The following SFMBT1 variants were observed in gnomAD, a reference collection of about 807,000 sequenced individuals.
SFMBT1 encodes the protein Scm like with four mbt domains 1.
SFMBT1 carries 32 observed loss-of-function variants against 108.7 expected under a neutral mutation model. The observed-to-expected ratio is 0.29, with a 90% confidence interval of 0.22 to 0.40. SFMBT1 has a LOEUF of 0.40. Ranked by LOEUF, SFMBT1 falls within the 10% of genes least tolerant of loss-of-function variation. The probability of loss-of-function intolerance (pLI) is 1.00; values close to 1 mark genes in which losing one functional copy is unlikely to be tolerated. For missense variants in SFMBT1, 816 were observed against 1,059.6 expected, an observed-to-expected ratio of 0.77 and a Z score of 3.19; for synonymous variants, 348 against 369.5, an observed-to-expected ratio of 0.94 and a Z score of 0.67.
intron 1 of SFMBT1, among the ~76,000 whole-genome samples, chr3:52,988,439 C>T (rs62253654): frequency 0.052 from 7,847 of 152,232 alleles, 274 homozygotes; most frequent in Middle Eastern, 0.085. Context: ...AAGAACCTGT[C>T]CCTCAAGAAC....
intron 15 of SFMBT1, among the ~76,000 whole-genome samples, chr3:52,913,236 GA>G (rs1702258240): frequency 6.6e-6 from 1 of 152,188 alleles, no homozygotes. Context: ...TCTGGTCTCT[GA>G]CAGAAGACCT....
chr3:52,928,619 C>CATATATATATACATATAT (rs1341930056), intron 8 of SFMBT1: 1 of 37,568 alleles, frequency 2.7e-5, no homozygotes, highest in African/African-American at 6.4e-5. Flanking sequence ...CATATATATA[C>CATATATATATACATATAT]ATATATACAT....
intron 2 of SFMBT1, among the ~76,000 whole-genome samples, chr3:52,962,593 G>T (rs1454190736): frequency 6.6e-6 from 1 of 151,982 alleles, no homozygotes; most frequent in African/African-American, 2.4e-5. Flanking sequence ...ATCACATGAG[G>T]CCAGGAGTTT....
intron 13 of SFMBT1, among the ~76,000 whole-genome samples, chr3:52,917,333 G>A (rs1466003311): frequency 3.9e-5 from 6 of 152,168 alleles, no homozygotes; most frequent in African/African-American, 1.2e-4. Flanking sequence ...AAGATTAAAT[G>A]AGGTCATAAG....
intron 1 of SFMBT1, among the ~76,000 whole-genome samples, chr3:53,034,985 G>A (rs757562859): frequency 3.0e-4 from 46 of 152,338 alleles, no homozygotes; most frequent in Non-Finnish European, 5.3e-4. Flanking sequence ...ACCAAAAAGT[G>A]TGACAGCGGT....
intron 1 of SFMBT1, among the ~76,000 whole-genome samples, chr3:53,037,316 A>AC (rs1559558865): frequency 6.6e-6 from 1 of 152,286 alleles, no homozygotes; most frequent in East Asian, 1.9e-4. Context: ...GACAACAAAG[A>AC]AAGTCATTTG....
At chr3:52,927,080 T>C (rs917742754) in intron 9 of SFMBT1, among the ~76,000 whole-genome samples, 1 of 152,118 alleles carries the variant, frequency 6.6e-6, no homozygotes, top group African/African-American at 2.4e-5. Flanking sequence ...CTTTTTCACA[T>C]AGAGGTGGCA....
chr3:52,982,616 C>G (rs1704751247), intron 1 of SFMBT1, among the ~76,000 whole-genome samples: 1 of 150,480 alleles, frequency 6.6e-6, no homozygotes, highest in Admixed American at 6.7e-5. Flanking sequence ...GTAATCCCAG[C>G]TACTCAGGAG....
chr3:52,978,729 T>C (rs893850803), intron 1 of SFMBT1, among the ~76,000 whole-genome samples: 1 of 152,190 alleles, frequency 6.6e-6, no homozygotes, highest in Non-Finnish European at 1.5e-5. Flanking sequence ...AACCAATTAA[T>C]GGTTAAGTAA....
Position 52,907,053 on chromosome 3 carries a change from A to G in SFMBT1, c.2331+16T>C. 6.3e-7 allele frequency: 1 copy of G among 1,586,090 alleles called. No individual in the cohort carries two copies. The highest frequency in any genetic ancestry group is 1.9e-5 in the Admixed American group (1 of 53,080). ...GAGAGAAAGAAAGAAAAAAGAAACTATTTTTTAAATGGTACCTTTGGTGAA... is the reference window on the plus strand; with the variant it reads ...GAGAGAAAGAAAGAAAAAAGAAACTGTTTTTTAAATGGTACCTTTGGTGAA... On this transcript the variant is annotated intron_variant, in intron 19 of 20. Coordinates refer to ENST00000394752, the MANE Select transcript of SFMBT1 (RefSeq NM_016329.4).
At chr3:52,979,032 G>A (rs899852118) in intron 1 of SFMBT1, among the ~76,000 whole-genome samples, 2 of 152,146 alleles carry the variant, frequency 1.3e-5, no homozygotes, top group Non-Finnish European at 2.9e-5. Context: ...TTAGACTGTG[G>A]TGAGAGTTGT....
intron 16 of SFMBT1, 143 bp downstream of exon 16, chr3:52,912,395 G>A (rs1036775886): frequency 1.1e-4 from 64 of 571,946 alleles, no homozygotes; most frequent in Non-Finnish European, 1.9e-4. Context: ...GACCAGGCTG[G>A]TCTTGAACTC....
chr3:52,969,069 T>C lies in SFMBT1; in HGVS notation c.28+32A>G, dbSNP rs775024678. 3.7e-6 allele frequency: 6 copies of C among 1,612,616 alleles called. No homozygotes were observed. The South Asian group carries it at 6.6e-5, about 18-fold the overall frequency. ...AGGCAAGTAATATAATTGTGCATCC[T>C]AGAGAATAAATTCTGAGAATAAAAC... On this transcript the variant is annotated intron_variant, in intron 2 of 20. Transcript: ENST00000394752.
At chr3:53,016,157 G>A (rs2564963) in intron 1 of SFMBT1, among the ~76,000 whole-genome samples, 143,495 of 149,686 alleles carry the variant, frequency 0.96, 68,719 homozygotes, top group East Asian at 1. Context: ...AGGACAAAGT[G>A]AAAAAAAAAA....
chr3:52,941,638 G>C (rs1275303489), intron 4 of SFMBT1, among the ~76,000 whole-genome samples: 1 of 149,144 alleles, frequency 6.7e-6, no homozygotes, highest in Non-Finnish European at 1.5e-5. Flanking sequence ...CAGGTGTGGT[G>C]GTTCATGCCT....
chr3:52,932,615 A>G (rs1422542654), intron 5 of SFMBT1, among the ~76,000 whole-genome samples: 1 of 152,236 alleles, frequency 6.6e-6, no homozygotes, highest in Non-Finnish European at 1.5e-5. Flanking sequence ...CTCATCTATT[A>G]TAAAACAAAT....
intron 1 of SFMBT1, among the ~76,000 whole-genome samples, chr3:53,023,513 G>C (rs1699382249): frequency 6.6e-6 from 1 of 152,150 alleles, no homozygotes; most frequent in South Asian, 2.1e-4. Flanking sequence ...CTCCATACAT[G>C]AATTAAATAA....
chr3:52,935,040 GATAAA>G, intron 4 of SFMBT1, 139 bp from the exon 5 acceptor site: 1 of 672,788 alleles, frequency 1.5e-6, no homozygotes, highest in East Asian at 2.9e-5. Context: ...AGCTTGAAAA[GATAAA>G]ACAAAATAAA....
At position 52,921,699 on chromosome 3, in the gene SFMBT1, A is replaced by T; in HGVS notation, c.1258+6T>A. 6.2e-7 allele frequency: 1 copy of T among 1,613,860 alleles called. No individual in the cohort carries two copies. The highest frequency in any genetic ancestry group is 8.5e-7 in the Non-Finnish European group (1 of 1,179,874). ...ACAGGAAGGCTTCTAGAGTGCTGGCACTCACCCTCCAGCTGGAGCCACAGG... is the reference window on the plus strand; with the variant it reads ...ACAGGAAGGCTTCTAGAGTGCTGGCTCTCACCCTCCAGCTGGAGCCACAGG... On this transcript the variant is annotated splice_donor_region_variant and intron_variant, in intron 11 of 20. Coordinates refer to ENST00000394752, the MANE Select transcript of SFMBT1 (RefSeq NM_016329.4).
Sources: gnomAD v4.1 joint callset for allele counts (sites outside exome capture counted in the v4.1 genomes callset) on GRCh38, gnomAD v4.1.1 for gene constraint, MANE v1.5 for transcripts, NCBI Gene and HGNC (gene_info 2026-07-23, HGNC 2026-07-21) for gene names.